The following GTF2B variants were observed in gnomAD, a reference collection of about 807,000 sequenced individuals.
The protein encoded by GTF2B is transcription initiation factor IIB.
GTF2B carries 20 observed loss-of-function variants against 34.6 expected under a neutral mutation model. That is an observed-to-expected ratio of 0.58 (90% confidence interval 0.41 to 0.84). The LOEUF (loss-of-function observed/expected upper bound fraction) is 0.84. GTF2B is among the 40% of genes least tolerant of loss of function. The pLI, the probability that GTF2B is intolerant of heterozygous loss-of-function variation, is 0.00. For missense variants in GTF2B, 237 were observed against 393.3 expected (o/e 0.60, Z 3.36); for synonymous variants, 142 against 132.4 (o/e 1.07, Z -0.50).
chr1:88,885,332 C>T lies in GTF2B; in HGVS notation c.124+1929G>A, dbSNP rs567264847. ...GTGGGCCCCTGTAATCCCAGCTATT[C>T]GGGAGGCTGAGGCAGGAGAATCACT... On this transcript the variant is annotated intron_variant, in intron 2 of 6. Coordinates refer to ENST00000370500, the MANE Select transcript of GTF2B (RefSeq NM_001514.6). Among the ~76,000 whole-genome samples the T allele has an allele frequency of 5.3e-5, 8 of 151,770 alleles. No homozygotes were observed. In the South Asian group the frequency reaches 8.4e-4, roughly 16 times the overall value.
intron 2 of GTF2B, among the ~76,000 whole-genome samples, chr1:88,875,677 A>ATC (rs1673800507): frequency 2.6e-5 from 4 of 152,320 alleles, no homozygotes; most frequent in Non-Finnish European, 2.9e-5. Context: ...CAACAGTACT[A>ATC]TCTTCAGGAT....
At chr1:88,885,641 T>C (rs1355395375) in intron 2 of GTF2B, among the ~76,000 whole-genome samples, 1 of 151,698 alleles carries the variant, frequency 6.6e-6, no homozygotes, top group Non-Finnish European at 1.5e-5. Flanking sequence ...TCCCAGCTAC[T>C]TGGGAGGCTG....
rs377030804 is a variant in GTF2B at position 88,856,272 on chromosome 1, C to CAAAAAAAAAAAA, written c.817+922_817+933dup. ...CAACAGAGGGAGACTGTTTCAAAAA[C>CAAAAAAAAAAAA]AAAAAAAAAAAAAAAAAACAAAAAA... On this transcript the variant is annotated intron_variant, in intron 6 of 6. Transcript: ENST00000370500. Among the ~76,000 whole-genome samples the CAAAAAAAAAAAA allele has an allele frequency of 2.6e-4, 13 of 50,020 alleles. 1 individual carries two copies. Among genetic ancestry groups the CAAAAAAAAAAAA allele is most frequent in the Admixed American group, 3.5e-4 (1 of 2,880 alleles). 32.8% of individuals were successfully genotyped at this position (50,020 alleles called of 152,430 possible). A position where few individuals can be genotyped will look rare whatever the true frequency, so the allele number is the denominator to read the frequency against.
At chr1:88,861,646 A>G (rs571088367) in intron 3 of GTF2B, among the ~76,000 whole-genome samples, 3 of 152,252 alleles carry the variant, frequency 2.0e-5, no homozygotes, top group Non-Finnish European at 4.4e-5. Context: ...CCTGGGTGAC[A>G]AGCGCGAAAC....
chr1:88,882,008 T>C (rs1280434259), intron 2 of GTF2B, among the ~76,000 whole-genome samples: 1 of 152,068 alleles, frequency 6.6e-6, no homozygotes, highest in Admixed American at 6.6e-5. Flanking sequence ...AATGGGATAC[T>C]TTTACATTAT....
At chr1:88,861,245 A>G (rs1342623840) in intron 3 of GTF2B, among the ~76,000 whole-genome samples, 2 of 152,244 alleles carry the variant, frequency 1.3e-5, no homozygotes, top group Non-Finnish European at 2.9e-5. Flanking sequence ...TGAAGGACAC[A>G]TAAGATACCT....
intron 2 of GTF2B, among the ~76,000 whole-genome samples, chr1:88,864,687 A>G (rs1358878215): frequency 6.6e-6 from 1 of 152,222 alleles, no homozygotes. Context: ...CTCTTTAAGC[A>G]AAGAGGCAGC....
intron 3 of GTF2B, among the ~76,000 whole-genome samples, chr1:88,861,055 A>G (rs1230701044): frequency 1.3e-5 from 2 of 152,226 alleles, no homozygotes; most frequent in African/African-American, 4.8e-5. Context: ...AACAGCTGCT[A>G]TAAATAATTC....
rs78441920 is a variant in GTF2B, at chr1:88,864,700, C to G, written c.125-586G>C. 4.0e-3 allele frequency among the ~76,000 whole-genome samples: 612 copies of G among 152,306 alleles called. 24 individuals are homozygous for G. The East Asian group carries it at 0.088, about 22-fold the overall frequency. ...TTCTCTTTAAGCAAAGAGGCAGCAT[C>G]TAAATATATCATGTCCAATAAAAGC... On this transcript the variant is annotated intron_variant, in intron 2 of 6. Coordinates refer to ENST00000370500, the MANE Select transcript of GTF2B (RefSeq NM_001514.6).
intron 2 of GTF2B, among the ~76,000 whole-genome samples, chr1:88,876,667 C>G (rs997175784): frequency 6.6e-6 from 1 of 152,036 alleles, no homozygotes; most frequent in African/African-American, 2.4e-5. Context: ...GAGCGAGACC[C>G]TGTCTCAAAA....
At chr1:88,856,124 G>A (rs961081218) in intron 6 of GTF2B, among the ~76,000 whole-genome samples, 2 of 151,826 alleles carry the variant, frequency 1.3e-5, no homozygotes, top group Non-Finnish European at 1.5e-5. Context: ...ACAAATATTA[G>A]CTGGGCGTGG....
Position 88,852,980 on chromosome 1 carries a change from C to G in GTF2B, c.*233G>C, listed in dbSNP as rs1265614087. ...TCAAGAATTACATAATTTCAAATAT[C>G]TTCCAAAATACAGTTTCCTAGATTG... On this transcript the variant is annotated 3_prime_UTR_variant, in exon 7 of 7. Coordinates refer to ENST00000370500, the MANE Select transcript of GTF2B (RefSeq NM_001514.6). 2 of 430,914 alleles carry G rather than the reference C, an allele frequency of 4.6e-6. No homozygotes were observed. Among genetic ancestry groups the G allele is most frequent in the Non-Finnish European group, 8.2e-6 (2 of 242,954 alleles). The allele number at this position is 430,914 out of a possible 1,614,324, so 26.7% of individuals were successfully genotyped here.
intron 6 of GTF2B, among the ~76,000 whole-genome samples, chr1:88,853,993 A>C (rs947859600): frequency 2.0e-5 from 3 of 152,182 alleles, no homozygotes; most frequent in Non-Finnish European, 4.4e-5. Flanking sequence ...AAATATATGA[A>C]TAGTGTTCAG....
intron 1 of GTF2B, among the ~76,000 whole-genome samples, chr1:88,888,971 T>G (rs1432937286): frequency 1.3e-5 from 2 of 152,220 alleles, no homozygotes; most frequent in Non-Finnish European, 2.9e-5. Flanking sequence ...AGGAGCTATA[T>G]GTATGTGCTC....
chr1:88,857,689 A>G (rs1340659469), intron 5 of GTF2B, among the ~76,000 whole-genome samples: 2 of 13,866 alleles, frequency 1.4e-4, no homozygotes, highest in Admixed American at 1.9e-3. Flanking sequence ...TGTTCATCAC[A>G]CCTTTTTTTT....
rs1570719401 is a variant in GTF2B at position 88,859,967 on chromosome 1, G to A, written c.450C>T (p.Ser150=). 6.2e-7 allele frequency: 1 copy of A among 1,613,152 alleles called. No homozygotes were observed. The highest frequency in any genetic ancestry group is 1.7e-4 in the Middle Eastern group (1 of 6,056). ...NLFKQVYEQK[S]LKGRANDAIA... Reference sequence around the variant, plus strand: ...TAGCATCATTAGCTCTTCCCTTCAGGCTCTTCTGTTCATATACTTGCTTGA... The same window carrying A: ...TAGCATCATTAGCTCTTCCCTTCAGACTCTTCTGTTCATATACTTGCTTGA... Residue 150 remains serine (S), a synonymous_variant, in exon 5 of 7, where the codon AGC becomes AGT. Transcript: ENST00000370500.
intron 6 of GTF2B, 124 bp from the exon 7 acceptor site, chr1:88,853,470 T>C: frequency 3.4e-6 from 3 of 874,598 alleles, no homozygotes; most frequent in South Asian, 1.6e-5. Flanking sequence ...CCAGAAGTGA[T>C]TTCTAAAAAC....
rs190020518 is a variant in GTF2B at position 88,877,649 on chromosome 1, C to T, written c.124+9612G>A. Among the ~76,000 whole-genome samples the T allele has an allele frequency of 1.4e-4, 21 of 152,272 alleles. No homozygotes were observed. In the East Asian group the frequency reaches 3.7e-3, roughly 27 times the overall value. ...AGAGTGCTGTTAGAACAAACAGTTT[C>T]GGCCGGACACAGTGGCTCATGCCTG... On this transcript the variant is annotated intron_variant, in intron 2 of 6. Coordinates refer to ENST00000370500, the MANE Select transcript of GTF2B (RefSeq NM_001514.6).
In GTF2B at chr1:88,853,129, G is replaced by T; in HGVS notation, c.*84C>A. 7.8e-7 allele frequency: 1 copy of T among 1,284,410 alleles called. No homozygotes were observed. Among genetic ancestry groups the T allele is most frequent in the Non-Finnish European group, 1.1e-6 (1 of 881,190 alleles). 79.6% of individuals were successfully genotyped at this position (1,284,410 alleles called of 1,614,324 possible). On this transcript the variant is annotated 3_prime_UTR_variant, in exon 7 of 7. Transcript: ENST00000370500. ...TACCATGTCTTTTGTTTTTCCTCAT[G>T]AAAGGCTCAACCCAGCATTTTGTAT...
Sources: allele counts gnomAD v4.1 joint callset (sites outside exome capture counted in the v4.1 genomes callset), GRCh38; gene constraint gnomAD v4.1.1; transcripts MANE v1.5; gene names NCBI Gene and HGNC (gene_info 2026-07-23, HGNC 2026-07-21).